GABRB1: variants seen among roughly 807,000 people sequenced by gnomAD.
GABRB1 encodes the protein gamma-aminobutyric acid type A receptor subunit beta1, also known as gamma-aminobutyric acid receptor subunit beta-1.
GABRB1 carries 17 observed loss-of-function variants against 51.6 expected under a neutral mutation model. That is an observed-to-expected ratio of 0.33 (90% confidence interval 0.23 to 0.49). GABRB1 has a LOEUF of 0.49. Among genes scored for constraint, GABRB1 ranks in the 20% least tolerant of loss-of-function variants. GABRB1 has a pLI of 0.99. For missense variants in GABRB1, 410 were observed against 600.6 expected, an observed-to-expected ratio of 0.68 and a Z score of 3.32; for synonymous variants, 247 against 218.9, an observed-to-expected ratio of 1.13 and a Z score of -1.14.
intron 3 of GABRB1, among the ~76,000 whole-genome samples, chr4:47,130,365 G>A (rs1577935401): frequency 1.4e-5 from 2 of 142,730 alleles, no homozygotes; most frequent in Admixed American, 7.1e-5. Context: ...GTGTGTGTGT[G>A]TGTGTGTGTG....
intron 1 of GABRB1, among the ~76,000 whole-genome samples, chr4:47,001,291 C>A (rs905851754): frequency 6.6e-6 from 1 of 151,618 alleles, no homozygotes; most frequent in African/African-American, 2.4e-5. Context: ...TACAGGCGCC[C>A]CCCACCACGC....
chr4:47,149,721 G>A (rs558674570), intron 3 of GABRB1, among the ~76,000 whole-genome samples: 74 of 151,336 alleles, frequency 4.9e-4, no homozygotes, highest in African/African-American at 1.8e-3. Flanking sequence ...CTACATCAGA[G>A]GAAAACTAAG....
At chr4:47,049,741 A>G (rs1355185877) in intron 3 of GABRB1, among the ~76,000 whole-genome samples, 1 of 152,234 alleles carries the variant, frequency 6.6e-6, no homozygotes, top group Non-Finnish European at 1.5e-5. Flanking sequence ...ACAGAAACAA[A>G]AAAACAAAAG....
intron 8 of GABRB1, 81 bp downstream of exon 8, chr4:47,407,007 C>T (rs764757418): frequency 1.4e-4 from 188 of 1,321,860 alleles, no homozygotes; most frequent in Admixed American, 2.3e-4. Context: ...AACTTAAAAA[C>T]GATTAATAAA....
chr4:47,300,970 A>C (rs1011906582), intron 4 of GABRB1, among the ~76,000 whole-genome samples: 2 of 152,202 alleles, frequency 1.3e-5, no homozygotes, highest in Non-Finnish European at 2.9e-5. Context: ...CCTGTTAGCC[A>C]TTTGTATAAA....
At chr4:47,148,384 A>G (rs1333050951) in intron 3 of GABRB1, among the ~76,000 whole-genome samples, 2 of 152,048 alleles carry the variant, frequency 1.3e-5, no homozygotes, top group East Asian at 1.9e-4. Context: ...CCTTCTCTTA[A>G]TAAGTTTACG....
At chr4:47,379,186 A>G (rs916690697) in intron 5 of GABRB1, among the ~76,000 whole-genome samples, 4 of 152,186 alleles carry the variant, frequency 2.6e-5, no homozygotes, top group African/African-American at 7.2e-5. Context: ...ATACTATACT[A>G]TACTGTACTA....
intron 3 of GABRB1, among the ~76,000 whole-genome samples, chr4:47,118,614 G>A (rs575636889): frequency 2.8e-4 from 43 of 152,192 alleles, no homozygotes; most frequent in Admixed American, 7.8e-4. Context: ...ACGTGTGACC[G>A]CGGATGAAAT....
chr4:47,418,155 G>A (rs1275997036), intron 8 of GABRB1, among the ~76,000 whole-genome samples: 1 of 152,214 alleles, frequency 6.6e-6, no homozygotes, highest in Non-Finnish European at 1.5e-5. Context: ...TTTTTGGCAT[G>A]GCTTTTGTAT....
chr4:47,224,072 CT>C (rs1316839551), intron 4 of GABRB1, among the ~76,000 whole-genome samples: 1 of 151,910 alleles, frequency 6.6e-6, no homozygotes, highest in Non-Finnish European at 1.5e-5. Flanking sequence ...AGTTTAAAGA[CT>C]TTATGAACTG....
rs371651157 is a variant in GABRB1, at chr4:47,128,830, TCTC to T, written c.241-32416_241-32414del. Among the ~76,000 whole-genome samples the T allele has an allele frequency of 2.2e-3, 339 of 152,054 alleles. 1 individual carries two copies. The highest frequency in any genetic ancestry group is 7.6e-3 in the African/African-American group (317 of 41,500). ...TTCGGATTTTGCCATTCTCTCAACTTCTCCTTTATTGCTTTCAGTCTGTATCAC... is the reference window on the plus strand; with the variant it reads ...TTCGGATTTTGCCATTCTCTCAACTTCTTTATTGCTTTCAGTCTGTATCAC... On this transcript the variant is annotated intron_variant, in intron 3 of 8. Transcript: ENST00000295454.
chr4:47,236,222 T>C (rs1022068217), intron 4 of GABRB1, among the ~76,000 whole-genome samples: 7 of 152,264 alleles, frequency 4.6e-5, no homozygotes, highest in African/African-American at 1.7e-4. Context: ...GCTTTGTTAA[T>C]TCAAGCTTTA....
At chr4:47,089,860 C>T (rs1728223325) in intron 3 of GABRB1, among the ~76,000 whole-genome samples, 1 of 152,056 alleles carries the variant, frequency 6.6e-6, no homozygotes, top group Non-Finnish European at 1.5e-5. Context: ...CTAGTAATTA[C>T]ATTTAAAAAA....
Sources: gnomAD v4.1 joint callset for allele counts (sites outside exome capture counted in the v4.1 genomes callset) on GRCh38, gnomAD v4.1.1 for gene constraint, MANE v1.5 for transcripts, NCBI Gene and HGNC (gene_info 2026-07-23, HGNC 2026-07-21) for gene names.